The following MINDY3 variants were observed in gnomAD, a reference collection of about 807,000 sequenced individuals.
MINDY3 encodes MINDY lysine 48 deubiquitinase 3, also known as ubiquitin carboxyl-terminal hydrolase MINDY-3.
In MINDY3, 38 loss-of-function variants were observed where a neutral mutation model predicts 69.2. That is an observed-to-expected ratio of 0.55 (90% CI 0.42 to 0.72). The LOEUF is 0.72. MINDY3 is among the 30% of genes least tolerant of loss of function. The pLI is 0.00. For synonymous variants in MINDY3, 192 were observed against 180.1 expected (o/e 1.07, Z -0.53); for missense variants, 522 against 519.0 (o/e 1.01, Z -0.06).
intron 1 of MINDY3, among the ~76,000 whole-genome samples, chr10:15,857,447 C>T (rs1834766523): frequency 6.6e-6 from 1 of 152,122 alleles, no homozygotes; most frequent in Admixed American, 6.5e-5. Context: ...CCTACTGACT[C>T]TCAACTGTAA....
intron 8 of MINDY3, among the ~76,000 whole-genome samples, chr10:15,822,923 TA>T (rs1330168094): frequency 6.6e-6 from 1 of 152,204 alleles, no homozygotes; most frequent in Non-Finnish European, 1.5e-5. Context: ...ATAATATATC[TA>T]AAAAGCATTT....
At chr10:15,851,222 T>A (rs571545499) in intron 1 of MINDY3, among the ~76,000 whole-genome samples, 47 of 152,276 alleles carry the variant, frequency 3.1e-4, no homozygotes, top group African/African-American at 1.0e-3. Context: ...GGATCTATGC[T>A]CCTTTCATTC....
chr10:15,846,132 A>C (rs1243420039), intron 2 of MINDY3, among the ~76,000 whole-genome samples: 1 of 152,078 alleles, frequency 6.6e-6, no homozygotes, highest in Non-Finnish European at 1.5e-5. Flanking sequence ...CGTGATTCTT[A>C]AACTTAATTA....
chr10:15,832,187 C>T (rs1490355957), intron 8 of MINDY3, among the ~76,000 whole-genome samples: 1 of 151,972 alleles, frequency 6.6e-6, no homozygotes, highest in Non-Finnish European at 1.5e-5. Flanking sequence ...GAGAGTGATG[C>T]GCTAAAGACA....
intron 13 of MINDY3, 75 bp downstream of exon 13, chr10:15,786,486 G>C: frequency 1.1e-6 from 1 of 932,456 alleles, no homozygotes. Flanking sequence ...TGTACAGAAA[G>C]AGAAAATGCT....
intron 13 of MINDY3, 150 bp from the exon 14 acceptor site, chr10:15,782,376 G>T (rs1836612953): frequency 8.7e-6 from 5 of 576,958 alleles, no homozygotes; most frequent in Middle Eastern, 4.5e-4. Context: ...TTATGGAGTT[G>T]TAACTACCAG....
At chr10:15,829,548 A>G (rs1234236284) in intron 8 of MINDY3, among the ~76,000 whole-genome samples, 1 of 152,204 alleles carries the variant, frequency 6.6e-6, no homozygotes, top group African/African-American at 2.4e-5. Context: ...GTTGAGTACG[A>G]ACACAGAGGC....
intron 9 of MINDY3, among the ~76,000 whole-genome samples, chr10:15,819,146 G>C (rs1321563888): frequency 6.6e-6 from 1 of 152,054 alleles, no homozygotes; most frequent in East Asian, 1.9e-4. Context: ...TAATCAAAAT[G>C]ATATTGCAAA....
chr10:15,792,838 CTACCTATG>C (rs1469976310), intron 11 of MINDY3, among the ~76,000 whole-genome samples: 2 of 152,062 alleles, frequency 1.3e-5, no homozygotes, highest in African/African-American at 4.8e-5. Flanking sequence ...AGTTCAGACA[CTACCTATG>C]TAGACCTTGA....
At chr10:15,790,986 G>A (rs1837364615) in intron 11 of MINDY3, among the ~76,000 whole-genome samples, 1 of 152,050 alleles carries the variant, frequency 6.6e-6, no homozygotes, top group South Asian at 2.1e-4. Context: ...AAACAACAAT[G>A]TGACCTTCTT....
chr10:15,816,288 G>GAAAAAAAAAAAAAAAAAAAAGAAAA (rs1331576458), intron 10 of MINDY3, among the ~76,000 whole-genome samples: 1 of 113,956 alleles, frequency 8.8e-6, no homozygotes, highest in Non-Finnish European at 1.7e-5. Context: ...AAATGAAAAA[G>GAAAAAAAAAAAAAAAAAAAAGAAAA]AAAAAAAATA....
In MINDY3 at chr10:15,796,098, A is replaced by G; in HGVS notation, c.955+2T>C. 6.2e-7 allele frequency: 1 copy of G among 1,610,610 alleles called. No individual in the cohort carries two copies. The highest frequency in any genetic ancestry group is 8.5e-7 in the Non-Finnish European group (1 of 1,177,258). On this transcript the variant is annotated splice_donor_variant, in intron 11 of 14. Transcript: ENST00000277632. LOFTEE classifies it high-confidence loss of function. ...CACAGAGATGATGTTAAAATCTTTT[A>G]CCTTCTGGGTCGTAGGTTTGAAAAA... is the stretch of plus-strand genomic sequence containing the variant.
At chr10:15,804,876 C>G (rs1838523243) in intron 10 of MINDY3, among the ~76,000 whole-genome samples, 1 of 152,086 alleles carries the variant, frequency 6.6e-6, no homozygotes, top group Non-Finnish European at 1.5e-5. Flanking sequence ...TCTTATTCTT[C>G]CATTATTTTC....
intron 1 of MINDY3, chr10:15,857,867 G>A: frequency 1.4e-6 from 1 of 736,454 alleles, no homozygotes; most frequent in African/African-American, 1.9e-5. Flanking sequence ...AATATCTCTA[G>A]ACATAATTGT....
intron 11 of MINDY3, among the ~76,000 whole-genome samples, chr10:15,794,531 T>C (rs1480613546): frequency 5.9e-5 from 9 of 152,106 alleles, no homozygotes; most frequent in Admixed American, 5.9e-4. Flanking sequence ...ATTCAGTTTA[T>C]AGTCATGATA....
intron 4 of MINDY3, among the ~76,000 whole-genome samples, chr10:15,839,663 A>G (rs924408636): frequency 6.6e-6 from 1 of 151,594 alleles, no homozygotes; most frequent in African/African-American, 2.4e-5. Context: ...AAAAGAACAA[A>G]GCTGGGAATA....
intron 2 of MINDY3, 57 bp from the exon 3 acceptor site, chr10:15,843,329 T>G: frequency 5.9e-6 from 8 of 1,363,766 alleles, no homozygotes; most frequent in Non-Finnish European, 8.4e-6. Context: ...CATCATATCA[T>G]TCTTCAATTT....
At chr10:15,786,683 G>T in intron 12 of MINDY3, 35 bp from the exon 13 acceptor site, 1 of 1,234,258 alleles carries the variant, frequency 8.1e-7, no homozygotes, top group South Asian at 1.3e-5. Flanking sequence ...GTGGATACCA[G>T]AGGAAAAAAA....
chr10:15,846,303 G>C (rs1361779082), intron 2 of MINDY3, among the ~76,000 whole-genome samples: 1 of 152,042 alleles, frequency 6.6e-6, no homozygotes, highest in Non-Finnish European at 1.5e-5. Context: ...TCATGCACTT[G>C]CAACAAAAAC....
Sources: allele counts gnomAD v4.1 joint callset (sites outside exome capture counted in the v4.1 genomes callset), GRCh38; gene constraint gnomAD v4.1.1; transcripts MANE v1.5; gene names NCBI Gene and HGNC (gene_info 2026-07-23, HGNC 2026-07-21).